TDRD12: variants seen among roughly 807,000 people sequenced by gnomAD.
TDRD12 encodes the protein tudor domain containing 12.
Under a neutral mutation model 133.5 loss-of-function variants are expected in TDRD12, and 158 were observed. That is an observed-to-expected ratio of 1.18 (90% CI 1.04 to 1.35). The LOEUF (loss-of-function observed/expected upper bound fraction) is 1.35, where lower values mean the gene tolerates loss of function less well. Among genes scored for constraint, TDRD12 ranks in the 40% most tolerant of loss-of-function variants. TDRD12 has a pLI of 0.00. For missense variants in TDRD12, 1,443 were observed against 1,321.3 expected (o/e 1.09, Z -1.43); for synonymous variants, 460 against 477.9 (o/e 0.96, Z 0.49).
At chr19:32,792,916 G>A (rs1464158080) in intron 13 of TDRD12, among the ~76,000 whole-genome samples, 2 of 152,158 alleles carry the variant, frequency 1.3e-5, no homozygotes, top group Non-Finnish European at 2.9e-5. Context: ...GGTCAGGTGC[G>A]GTGGCTCACG....
intron 1 of TDRD12, among the ~76,000 whole-genome samples, chr19:32,729,859 C>T (rs1286259645): frequency 4.5e-5 from 6 of 134,114 alleles, no homozygotes; most frequent in Non-Finnish European, 7.7e-5. Context: ...GGCGCAATCT[C>T]GGCTCACTGC....
intron 2 of TDRD12, among the ~76,000 whole-genome samples, chr19:32,738,542 G>A (rs1969294558): frequency 6.6e-6 from 1 of 152,172 alleles, no homozygotes; most frequent in Non-Finnish European, 1.5e-5. Flanking sequence ...TTGGCCAGGC[G>A]TGATGGCTCA....
At chr19:32,818,033 A>T in intron 26 of TDRD12, 56 bp from the exon 27 acceptor site, 1 of 701,980 alleles carries the variant, frequency 1.4e-6, no homozygotes, top group East Asian at 2.7e-5. Flanking sequence ...GTCCCCAGAC[A>T]GGCTCCACAG....
chr19:32,820,538 G>A (rs1447435374), intron 27 of TDRD12, among the ~76,000 whole-genome samples: 9 of 152,190 alleles, frequency 5.9e-5, no homozygotes, highest in African/African-American at 1.7e-4. Flanking sequence ...GGGGCAGCAC[G>A]TTGAATTTAG....
intron 14 of TDRD12, among the ~76,000 whole-genome samples, chr19:32,796,477 C>T (rs770251201): frequency 2.0e-5 from 3 of 151,646 alleles, no homozygotes; most frequent in Non-Finnish European, 4.4e-5. Context: ...TCCAGCTACT[C>T]GAGAGGCTGA....
At chr19:32,765,904 C>A (rs1970284277) in intron 8 of TDRD12, among the ~76,000 whole-genome samples, 2 of 148,862 alleles carry the variant, frequency 1.3e-5, no homozygotes. Flanking sequence ...AAAAAAAAAA[C>A]AGAGCAGCTG....
downstream of TDRD12, among the ~76,000 whole-genome samples, chr19:32,822,821 G>A (rs1029621349): frequency 3.3e-5 from 5 of 151,986 alleles, no homozygotes; most frequent in African/African-American, 1.2e-4. Flanking sequence ...AAGGAAAGGA[G>A]AGGTGAGGAG....
intron 14 of TDRD12, chr19:32,796,124 T>TTAGGGGCC: frequency 2.0e-6 from 2 of 985,094 alleles, no homozygotes; most frequent in Non-Finnish European, 2.4e-6. Flanking sequence ...TTTGTGGCTG[T>TTAGGGGCC]TAGGGGCCTG....
At chr19:32,799,728 CTTTTTTTTTTTTTTTTTTT>C (rs71176153) in intron 16 of TDRD12, among the ~76,000 whole-genome samples, 1 of 78,434 alleles carries the variant, frequency 1.3e-5, no homozygotes, top group African/African-American at 5.6e-5. Flanking sequence ...TAGTTTTTGC[CTTTTTTTTTTTTTTTTTTT>C]TTTTGAGACT....
At chr19:32,741,635 G>A (rs561532445) in intron 3 of TDRD12, among the ~76,000 whole-genome samples, 32 of 152,298 alleles carry the variant, frequency 2.1e-4, no homozygotes, top group African/African-American at 7.7e-4. Flanking sequence ...GACTTCAGGG[G>A]GCCATGGGTG....
Position 32,777,202 on chromosome 19 carries a change from A to G in TDRD12, c.1094A>G (p.Glu365Gly), listed in dbSNP as rs1183413203. 1 of 1,543,396 alleles carries G rather than the reference A, an allele frequency of 6.5e-7. No individual in the cohort carries two copies. The highest frequency in any genetic ancestry group is 1.2e-5 in the South Asian group (1 of 81,914). Reference sequence around the variant, plus strand: ...CCTCTTAGATTGACTGAGAAGAAAGAATATGATGAGAAGAATAGCTGTGTG... The same window carrying G: ...CCTCTTAGATTGACTGAGAAGAAAGGATATGATGAGAAGAATAGCTGTGTG... Residue 365 changes from glutamate (E) to glycine (G), a missense_variant, in exon 11 of 28, where the codon GAA (glutamate) becomes GGA (glycine). Physicochemically the swap from Glu to Gly is moderately conservative, Grantham distance 98. Coordinates refer to ENST00000444215, the Ensembl canonical transcript of TDRD12.
At chr19:32,735,623 A>G (rs1969200796) in intron 2 of TDRD12, among the ~76,000 whole-genome samples, 1 of 152,248 alleles carries the variant, frequency 6.6e-6, no homozygotes, top group South Asian at 2.1e-4. Flanking sequence ...TTTTCAATGT[A>G]TACAAGACAG....
chr19:32,744,517 A>AC (rs1236117090), intron 4 of TDRD12, among the ~76,000 whole-genome samples: 3 of 149,466 alleles, frequency 2.0e-5, no homozygotes, highest in African/African-American at 7.4e-5. Context: ...AAAAAAAAAA[A>AC]AAAAAAACAA....
chr19:32,790,488 CAA>C, intron 11 of TDRD12, 41 bp from the exon 12 acceptor site: 1 of 1,530,476 alleles, frequency 6.5e-7, no homozygotes, highest in Non-Finnish European at 8.8e-7. Context: ...ACTGAGGAAA[CAA>C]ACACCTTTTT....
At chr19:32,747,173 G>A (rs1254984595) in intron 4 of TDRD12, among the ~76,000 whole-genome samples, 1 of 152,082 alleles carries the variant, frequency 6.6e-6, no homozygotes, top group East Asian at 1.9e-4. Flanking sequence ...GGAGAGACTG[G>A]CTGATTTACT....
intron 1 of TDRD12, among the ~76,000 whole-genome samples, chr19:32,725,369 T>A (rs1183775076): frequency 6.6e-6 from 1 of 152,174 alleles, no homozygotes; most frequent in African/African-American, 2.4e-5. Context: ...AAGTCTTTAA[T>A]CTATATTGAG....
intron 4 of TDRD12, among the ~76,000 whole-genome samples, chr19:32,743,674 T>G (rs57353355): frequency 1.3e-5 from 2 of 151,378 alleles, no homozygotes; most frequent in South Asian, 2.1e-4. Flanking sequence ...CACACACTTA[T>G]CTATGTGGAG....
chr19:32,719,988 G>GC, exon 1 of TDRD12: 4 of 1,499,940 alleles, frequency 2.7e-6, no homozygotes, highest in Non-Finnish European at 3.6e-6. Context: ...CGGGGGCCTG[G>GC]CCGGGGCGGA....
intron 26 of TDRD12, among the ~76,000 whole-genome samples, chr19:32,815,823 G>A (rs965227381): frequency 6.6e-6 from 1 of 152,074 alleles, no homozygotes; most frequent in South Asian, 2.1e-4. Flanking sequence ...GTGAAACCCC[G>A]TTTTTACTAA....
Sources: gnomAD v4.1 joint callset for allele counts (sites outside exome capture counted in the v4.1 genomes callset) on GRCh38, gnomAD v4.1.1 for gene constraint, MANE v1.5 for transcripts, NCBI Gene and HGNC (gene_info 2026-07-23, HGNC 2026-07-21) for gene names.